The following ADGRL2 variants were observed in gnomAD, a reference collection of about 807,000 sequenced individuals.
ADGRL2 encodes the protein adhesion G protein-coupled receptor L2.
In ADGRL2, 44 loss-of-function variants were observed where a neutral mutation model predicts 157.4. The observed-to-expected ratio is 0.28, with a 90% CI of 0.22 to 0.36. The LOEUF is 0.36. Ranked by LOEUF, ADGRL2 falls within the 10% of genes least tolerant of loss-of-function variation. The pLI is 1.00. For missense variants in ADGRL2, 1,510 were observed against 1,768.9 expected (o/e 0.85, Z 2.63); for synonymous variants, 585 against 624.7 (o/e 0.94, Z 0.95).
At chr1:81,415,685 G>A (rs1249811034) in intron 1 of ADGRL2, among the ~76,000 whole-genome samples, 1 of 152,208 alleles carries the variant, frequency 6.6e-6, no homozygotes, top group East Asian at 1.9e-4. Flanking sequence ...TCTGACTTCA[G>A]TGGGTGACCA....
chr1:81,316,929 G>A (rs766634936), intron 1 of ADGRL2, among the ~76,000 whole-genome samples: 8 of 152,070 alleles, frequency 5.3e-5, no homozygotes, highest in Admixed American at 1.3e-4. Flanking sequence ...GAGCAATGTT[G>A]GGAAAGCGCA....
intron 2 of ADGRL2, among the ~76,000 whole-genome samples, chr1:81,572,448 G>T (rs1464429333): frequency 1.3e-5 from 2 of 152,128 alleles, no homozygotes; most frequent in African/African-American, 2.4e-5. Context: ...GCTGATGGGG[G>T]ATACAGAAAA....
intron 2 of ADGRL2, among the ~76,000 whole-genome samples, chr1:81,475,229 A>ATG (rs2078248817): frequency 6.6e-6 from 1 of 152,192 alleles, no homozygotes; most frequent in Non-Finnish European, 1.5e-5. Context: ...CATGGGCATA[A>ATG]GTCATTACTG....
intron 1 of ADGRL2, among the ~76,000 whole-genome samples, chr1:81,815,572 G>A (rs964557677): frequency 6.6e-6 from 1 of 151,736 alleles, no homozygotes; most frequent in Admixed American, 6.6e-5. Flanking sequence ...AATTAGGGTT[G>A]ATTCTCATCA....
intron 1 of ADGRL2, among the ~76,000 whole-genome samples, chr1:81,330,875 C>A (rs2182767): frequency 0.36 from 55,401 of 151,972 alleles, 10,476 homozygotes; most frequent in African/African-American, 0.44. Flanking sequence ...CGTTGCTCAA[C>A]GGATGTTTTA....
chr1:81,852,857 G>A (rs2093062935), intron 2 of ADGRL2, among the ~76,000 whole-genome samples: 1 of 151,988 alleles, frequency 6.6e-6, no homozygotes, highest in Admixed American at 6.6e-5. Flanking sequence ...GAACTTTTTA[G>A]CTTTATTAAA....
chr1:81,323,411 A>ATTTTTTTTTTTT (rs138358062), intron 1 of ADGRL2, among the ~76,000 whole-genome samples: 1 of 109,744 alleles, frequency 9.1e-6, no homozygotes. Context: ...GACTAATTCA[A>ATTTTTTTTTTTT]TTTTTTTTTT....
At chr1:81,655,140 G>A (rs1385729885) in intron 3 of ADGRL2, among the ~76,000 whole-genome samples, 1 of 152,232 alleles carries the variant, frequency 6.6e-6, no homozygotes, top group African/African-American at 2.4e-5. Context: ...CCAGGACTAC[G>A]GGCGCATGCC....
intron 2 of ADGRL2, among the ~76,000 whole-genome samples, chr1:81,561,851 T>C (rs1264213828): frequency 6.6e-6 from 1 of 152,204 alleles, no homozygotes; most frequent in Non-Finnish European, 1.5e-5. Context: ...GGCCCAGATC[T>C]AAAATGAGCA....
intron 2 of ADGRL2, among the ~76,000 whole-genome samples, chr1:81,780,234 A>G (rs951414756): frequency 3.9e-5 from 6 of 152,170 alleles, no homozygotes; most frequent in Non-Finnish European, 8.8e-5. Context: ...AATAAATTGG[A>G]TTAAAAATTA....
At chr1:81,389,295 A>T (rs7514532) in intron 1 of ADGRL2, among the ~76,000 whole-genome samples, 18 of 151,982 alleles carry the variant, frequency 1.2e-4, no homozygotes, top group African/African-American at 4.1e-4. Context: ...CCCAATAGAG[A>T]TTACATTCCA....
chr1:81,963,232 G>A (rs1656015661), intron 11 of ADGRL2, among the ~76,000 whole-genome samples: 1 of 151,888 alleles, frequency 6.6e-6, no homozygotes, highest in Admixed American at 6.6e-5. Context: ...GTTGTGTGGT[G>A]TATAGAAACA....
intron 2 of ADGRL2, among the ~76,000 whole-genome samples, chr1:81,534,695 C>T (rs2079691240): frequency 6.6e-6 from 1 of 152,092 alleles, no homozygotes; most frequent in Admixed American, 6.5e-5. Flanking sequence ...TTTTCTGATT[C>T]TTGAACTAGT....
intron 1 of ADGRL2, among the ~76,000 whole-genome samples, chr1:81,395,914 T>C (rs970003144): frequency 7.2e-5 from 11 of 152,236 alleles, no homozygotes; most frequent in African/African-American, 2.4e-4. Flanking sequence ...TCTGTTTTTA[T>C]GCTAGTACCA....
intron 1 of ADGRL2, among the ~76,000 whole-genome samples, chr1:81,374,022 A>C (rs1267999111): frequency 6.6e-6 from 1 of 152,216 alleles, no homozygotes; most frequent in African/African-American, 2.4e-5. Context: ...GCAGATAAGC[A>C]GCAATAGATT....
chr1:81,591,403 C>T (rs1280340493), intron 3 of ADGRL2, among the ~76,000 whole-genome samples: 1 of 152,128 alleles, frequency 6.6e-6, no homozygotes, highest in East Asian at 1.9e-4. Flanking sequence ...TGCAAATGAG[C>T]CATGAGCCTG....
At chr1:81,336,547 C>T (rs555112580) in intron 1 of ADGRL2, among the ~76,000 whole-genome samples, 38 of 152,140 alleles carry the variant, frequency 2.5e-4, no homozygotes, top group Non-Finnish European at 4.9e-4. Context: ...CCCTGAGGAT[C>T]GCCAATGTGA....
At chr1:81,795,408 A>C (rs931625427), upstream of ADGRL2, among the ~76,000 whole-genome samples, 1 of 152,104 alleles carries the variant, frequency 6.6e-6, no homozygotes, top group African/African-American at 2.4e-5. Flanking sequence ...ATAAAAATAC[A>C]TAAATAAGTT....
At chr1:81,443,994 G>C (rs942963862) in intron 1 of ADGRL2, among the ~76,000 whole-genome samples, 5 of 152,098 alleles carry the variant, frequency 3.3e-5, no homozygotes, top group African/African-American at 4.8e-5. Context: ...ACATCTATCC[G>C]ATGCCCCGGT....
Sources: allele counts gnomAD v4.1 joint callset (sites outside exome capture counted in the v4.1 genomes callset), GRCh38; gene constraint gnomAD v4.1.1; transcripts MANE v1.5; gene names NCBI Gene and HGNC (gene_info 2026-07-23, HGNC 2026-07-21).